TMEM177: variants seen among roughly 807,000 people sequenced by gnomAD.
TMEM177 encodes transmembrane protein 177.
TMEM177 carries 4 observed loss-of-function variants against 14.2 expected under a neutral mutation model. The observed-to-expected ratio is 0.28, with a 90% CI of 0.14 to 0.64. The LOEUF is 0.64. Among genes scored for constraint, TMEM177 ranks in the 30% least tolerant of loss-of-function variants. TMEM177 has a pLI of 0.82. For missense variants in TMEM177, 344 were observed against 405.2 expected (o/e 0.85, Z 1.30); for synonymous variants, 179 against 174.5 (o/e 1.03, Z -0.20).
the TMEM177 span, among the ~76,000 whole-genome samples, chr2:119,719,057 C>T: frequency 2.0e-5 from 3 of 152,272 alleles, no homozygotes; most frequent in East Asian, 5.8e-4. Context: ...GTGGACCACA[C>T]TTTGAGCCTC....
At chr2:119,701,868 C>CTTTTCT in the TMEM177 span, among the ~76,000 whole-genome samples, 24 of 152,312 alleles carry the variant, frequency 1.6e-4, no homozygotes, top group African/African-American at 5.5e-4. Context: ...TCAAAGTGAG[C>CTTTTCT]TTTTCTTGCT....
chr2:119,693,015 A>T, the TMEM177 span, among the ~76,000 whole-genome samples: 7 of 144,724 alleles, frequency 4.8e-5, no homozygotes, highest in African/African-American at 1.8e-4. Context: ...ATTTGTCCCC[A>T]GGTCCCTGTG....
chr2:119,695,057 G>A, the TMEM177 span, among the ~76,000 whole-genome samples: 12 of 152,144 alleles, frequency 7.9e-5, no homozygotes, highest in African/African-American at 2.4e-4. Flanking sequence ...CAGTGTCAGC[G>A]GATACGGCAA....
At chr2:119,708,598 C>A in the TMEM177 span, among the ~76,000 whole-genome samples, 2 of 150,968 alleles carry the variant, frequency 1.3e-5, no homozygotes, top group Admixed American at 6.6e-5. Context: ...GTCTCCTGAG[C>A]GTCTTTTAAT....
chr2:119,719,203 A>G, the TMEM177 span, among the ~76,000 whole-genome samples: 1 of 152,030 alleles, frequency 6.6e-6, no homozygotes. Flanking sequence ...CTTTCCAATC[A>G]CTACCCTCAT....
At chr2:119,712,778 A>G in the TMEM177 span, among the ~76,000 whole-genome samples, 2 of 152,218 alleles carry the variant, frequency 1.3e-5, no homozygotes, top group African/African-American at 4.8e-5. Context: ...TGCCAGTGAC[A>G]AAATGTTCCT....
chr2:119,723,085 C>A, the TMEM177 span, among the ~76,000 whole-genome samples: 2 of 152,130 alleles, frequency 1.3e-5, no homozygotes, highest in Admixed American at 6.5e-5. Context: ...GTTTTCCCAG[C>A]ATCATTTTGT....
the TMEM177 span, among the ~76,000 whole-genome samples, chr2:119,701,482 G>A: frequency 2.0e-5 from 3 of 152,162 alleles, no homozygotes; most frequent in African/African-American, 7.2e-5. Flanking sequence ...ATTTCCCTAG[G>A]GGGTCGGGGG....
chr2:119,695,821 G>C, the TMEM177 span, among the ~76,000 whole-genome samples: 1 of 152,236 alleles, frequency 6.6e-6, no homozygotes, highest in Admixed American at 6.5e-5. Context: ...GTGGTGTATA[G>C]CACAAATGGC....
chr2:119,691,894 C>T, the TMEM177 span, among the ~76,000 whole-genome samples: 1 of 152,226 alleles, frequency 6.6e-6, no homozygotes, highest in African/African-American at 2.4e-5. Flanking sequence ...AGCCACCGAT[C>T]CCCAGGTCCG....
chr2:119,696,734 G>C, the TMEM177 span, among the ~76,000 whole-genome samples: 2 of 152,178 alleles, frequency 1.3e-5, no homozygotes, highest in African/African-American at 2.4e-5. Context: ...GGAAATCCGG[G>C]GAAAGAGCAT....
chr2:119,684,816 T>C (rs148178568), downstream of TMEM177, among the ~76,000 whole-genome samples: 2,137 of 152,260 alleles, frequency 0.014, 22 homozygotes, highest in Non-Finnish European at 0.021. Context: ...AGGGCACAGA[T>C]TACTACCTAG....
In TMEM177 at chr2:119,681,312, C is replaced by G. The variant is rs747612872; in HGVS notation, c.459C>G (p.Ala153=). Reference sequence around the variant, plus strand: ...TGTCCCGTGAAGCCCAGAAGTTCGCCTTGGCCAGGGAAGTGGTGTACCTGG... The same window carrying G: ...TGTCCCGTGAAGCCCAGAAGTTCGCGTTGGCCAGGGAAGTGGTGTACCTGG... ...LTLSREAQKF[A]LAREVVYLES... The change falls in exon 2 of 2, where the codon GCC becomes GCG. Residue 153 remains alanine (A), a synonymous_variant. Transcript: ENST00000272521. The G allele has an allele frequency of 8.1e-6, 13 of 1,614,254 alleles. No homozygotes were observed. The South Asian group carries it at 1.3e-4, about 16-fold the overall frequency.
At chr2:119,699,038 C>T in the TMEM177 span, 1,087 of 202,788 alleles carry the variant, frequency 5.4e-3, 8 homozygotes, top group African/African-American at 0.023. Flanking sequence ...CCCAGGTCAT[C>T]AAGGGTGTGC....
At chr2:119,712,978 A>C in the TMEM177 span, among the ~76,000 whole-genome samples, 2 of 152,188 alleles carry the variant, frequency 1.3e-5, no homozygotes, top group Non-Finnish European at 2.9e-5. Context: ...CTAAGAACAC[A>C]CAAAACAATG....
At chr2:119,695,844 C>T in the TMEM177 span, among the ~76,000 whole-genome samples, 5 of 152,204 alleles carry the variant, frequency 3.3e-5, no homozygotes, top group East Asian at 7.7e-4. Context: ...TGGCCTTGAC[C>T]GTGCATCTTG....
chr2:119,717,334 AAAAAAAAAGAAAAAG>A, the TMEM177 span, among the ~76,000 whole-genome samples: 12 of 152,032 alleles, frequency 7.9e-5, no homozygotes, highest in East Asian at 1.9e-4. Flanking sequence ...CATCTGGAAA[AAAAAAAAAGAAAAAG>A]AAAAAAAAGA....
the TMEM177 span, among the ~76,000 whole-genome samples, chr2:119,717,349 G>GA: frequency 1.7e-4 from 26 of 151,416 alleles, no homozygotes; most frequent in East Asian, 5.8e-4. Flanking sequence ...AAAAGAAAAA[G>GA]AAAAAAAAGA....
chr2:119,684,221 G>A (rs917341163), downstream of TMEM177, among the ~76,000 whole-genome samples: 6 of 152,230 alleles, frequency 3.9e-5, no homozygotes, highest in South Asian at 2.1e-4. Flanking sequence ...CACAGCTTTC[G>A]TGTTCGCTGT....
Sources: gnomAD v4.1 joint callset for allele counts (sites outside exome capture counted in the v4.1 genomes callset) on GRCh38, gnomAD v4.1.1 for gene constraint, MANE v1.5 for transcripts, NCBI Gene and HGNC (gene_info 2026-07-23, HGNC 2026-07-21) for gene names.